AEBP2: variants seen among roughly 807,000 people sequenced by gnomAD.
AEBP2 encodes the protein AE binding protein 2, also known as zinc finger protein AEBP2.
A neutral mutation model predicts 50.8 loss-of-function variants in AEBP2; 10 were observed. The ratio of observed to expected loss-of-function variants is 0.20; its 90% CI spans 0.12 to 0.33. The LOEUF (loss-of-function observed/expected upper bound fraction) is 0.33. AEBP2 is among the 10% of genes least tolerant of loss of function. The pLI is 1.00. For missense variants in AEBP2, 570 were observed against 688.0 expected, an observed-to-expected ratio of 0.83 and a Z score of 1.92; for synonymous variants, 296 against 261.3, an observed-to-expected ratio of 1.13 and a Z score of -1.28.
intron 1 of AEBP2, among the ~76,000 whole-genome samples, chr12:19,446,755 C>T (rs1005039447): frequency 1.4e-5 from 2 of 147,082 alleles, no homozygotes; most frequent in Admixed American, 6.8e-5. Flanking sequence ...AAAAAAAGAT[C>T]TCATCTACAA....
chr12:19,499,219 T>TGGCAGCTTTGGTGGACTGATC (rs1949031020), intron 4 of AEBP2, among the ~76,000 whole-genome samples: 1 of 152,224 alleles, frequency 6.6e-6, no homozygotes, highest in Non-Finnish European at 1.5e-5. Flanking sequence ...TGGAGCTGAT[T>TGGCAGCTTTGGTGGACTGATC]GGCAGCTTTG....
At chr12:19,434,985 G>A (rs1456138032), upstream of AEBP2, among the ~76,000 whole-genome samples, 1 of 151,842 alleles carries the variant, frequency 6.6e-6, no homozygotes, top group Non-Finnish European at 1.5e-5. Context: ...ATTCACTTTT[G>A]ACACTTTTTT....
upstream of AEBP2, among the ~76,000 whole-genome samples, chr12:19,435,212 G>T (rs1295646934): frequency 6.7e-6 from 1 of 150,206 alleles, no homozygotes; most frequent in Non-Finnish European, 1.5e-5. Context: ...TGAAAGCCTG[G>T]ACCTCCCTAG....
At chr12:19,501,784 TAA>T (rs1025681427) in intron 5 of AEBP2, among the ~76,000 whole-genome samples, 3 of 141,942 alleles carry the variant, frequency 2.1e-5, no homozygotes, top group African/African-American at 7.7e-5. Context: ...TCGTCTCCTA[TAA>T]AAATGAGTTT....
intron 3 of AEBP2, among the ~76,000 whole-genome samples, chr12:19,484,711 G>T (rs1565725957): frequency 6.6e-6 from 1 of 151,828 alleles, no homozygotes; most frequent in African/African-American, 2.4e-5. Context: ...TTCATTATGG[G>T]TTAGGTTGAA....
intron 1 of AEBP2, among the ~76,000 whole-genome samples, chr12:19,408,051 C>CAAA (rs111495452): frequency 2.9e-5 from 4 of 138,234 alleles, no homozygotes; most frequent in South Asian, 2.3e-4. Context: ...AACTCTGTCT[C>CAAA]AAAAAAAAAA....
chr12:19,503,606 C>T (rs1028463073), intron 5 of AEBP2, among the ~76,000 whole-genome samples: 4 of 151,452 alleles, frequency 2.6e-5, no homozygotes, highest in Non-Finnish European at 2.9e-5. Context: ...ATTGATCTTA[C>T]CTGATTGATT....
upstream of AEBP2, among the ~76,000 whole-genome samples, chr12:19,437,309 C>G (rs1947869364): frequency 6.6e-6 from 1 of 152,164 alleles, no homozygotes; most frequent in South Asian, 2.1e-4. Context: ...TCTGAAGGCT[C>G]CTGTGTCACA....
chr12:19,412,316 T>C (rs749940617), intron 1 of AEBP2, among the ~76,000 whole-genome samples: 6 of 152,242 alleles, frequency 3.9e-5, no homozygotes, highest in Non-Finnish European at 5.9e-5. Context: ...TCTTGTGCTA[T>C]CGCCAGGCTG....
At chr12:19,425,678 C>G (rs2095748171) in intron 1 of AEBP2, among the ~76,000 whole-genome samples, 1 of 146,980 alleles carries the variant, frequency 6.8e-6, no homozygotes, top group African/African-American at 2.5e-5. Context: ...AAGGCTGAGA[C>G]AGGAGAATCA....
chr12:19,482,296 G>C (rs1948742063), intron 3 of AEBP2, among the ~76,000 whole-genome samples: 2 of 152,182 alleles, frequency 1.3e-5, no homozygotes, highest in Non-Finnish European at 2.9e-5. Flanking sequence ...ACCAGCACCT[G>C]CTCTGCTGGA....
At chr12:19,486,082 A>G (rs12228522) in intron 3 of AEBP2, among the ~76,000 whole-genome samples, 3,262 of 151,740 alleles carry the variant, frequency 0.021, 37 homozygotes, top group East Asian at 0.042. Flanking sequence ...CCATCCTGAT[A>G]GAGAATATTT....
intron 1 of AEBP2, among the ~76,000 whole-genome samples, chr12:19,455,539 C>T (rs899571406): frequency 1.3e-5 from 2 of 152,126 alleles, no homozygotes; most frequent in Non-Finnish European, 2.9e-5. Context: ...ATAACTTTCT[C>T]AGTATTGGCA....
chr12:19,511,484 G>C (rs182611836), intron 5 of AEBP2, among the ~76,000 whole-genome samples: 3 of 152,190 alleles, frequency 2.0e-5, no homozygotes, highest in Non-Finnish European at 4.4e-5. Flanking sequence ...ACCATACTAA[G>C]AGTGACCCTT....
At chr12:19,473,381 ATTT>A (rs542134245) in intron 3 of AEBP2, 26 bp downstream of exon 3, 441,118 of 675,534 alleles carry the variant, frequency 0.65, 154,483 homozygotes, top group Non-Finnish European at 0.7. Context: ...TATAAAATTT[ATTT>A]ATTTATTTAT....
chr12:19,412,687 G>A (rs564594988), intron 1 of AEBP2, among the ~76,000 whole-genome samples: 6 of 152,204 alleles, frequency 3.9e-5, no homozygotes, highest in African/African-American at 1.4e-4. Flanking sequence ...TCCTGCCTCG[G>A]CCTCGCAAAG....
chr12:19,441,077 T>C (rs961529636), intron 1 of AEBP2, among the ~76,000 whole-genome samples: 1 of 152,008 alleles, frequency 6.6e-6, no homozygotes, highest in Admixed American at 6.6e-5. Context: ...AATCAGAGAG[T>C]TGGAATCGTA....
chr12:19,494,087 A>C (rs1279880298), intron 4 of AEBP2, 101 bp downstream of exon 4: 1 of 1,302,650 alleles, frequency 7.7e-7, no homozygotes, highest in African/African-American at 1.5e-5. Context: ...TCTTCTATTA[A>C]AAGTAACAAA....
chr12:19,455,550 A>G (rs1229519358), intron 1 of AEBP2, among the ~76,000 whole-genome samples: 1 of 152,042 alleles, frequency 6.6e-6, no homozygotes, highest in Non-Finnish European at 1.5e-5. Flanking sequence ...AGTATTGGCA[A>G]CCCTGTCAGC....
Sources: allele counts gnomAD v4.1 joint callset (sites outside exome capture counted in the v4.1 genomes callset), GRCh38; gene constraint gnomAD v4.1.1; transcripts MANE v1.5; gene names NCBI Gene and HGNC (gene_info 2026-07-23, HGNC 2026-07-21).